Variants in DCDC1 observed in about 807,000 individuals in gnomAD.
DCDC1 encodes doublecortin domain-containing protein 1.
Under a neutral mutation model 178.3 loss-of-function variants are expected in DCDC1, and 200 were observed. The observed-to-expected ratio is 1.12, with a 90% CI of 1.00 to 1.26. The LOEUF (loss-of-function observed/expected upper bound fraction) is 1.26, where lower values mean the gene tolerates loss of function less well. Among genes scored for constraint, DCDC1 ranks in the 50% most tolerant of loss-of-function variants. The pLI, the probability that DCDC1 is intolerant of heterozygous loss-of-function variation, is 0.00. For missense variants in DCDC1, 1,983 were observed against 1,749.2 expected, an observed-to-expected ratio of 1.13 and a Z score of -2.38; for synonymous variants, 690 against 604.8, an observed-to-expected ratio of 1.14 and a Z score of -2.07.
At chr11:31,191,004 C>G (rs904745616) in intron 9 of DCDC1, among the ~76,000 whole-genome samples, 1 of 152,026 alleles carries the variant, frequency 6.6e-6, no homozygotes, top group Non-Finnish European at 1.5e-5. Flanking sequence ...GCAGTATTTG[C>G]ATACAGCCTA....
chr11:30,903,769 G>GAA (rs60052413), intron 31 of DCDC1, 86 bp from the exon 32 acceptor site: 18 of 1,044,666 alleles, frequency 1.7e-5, no homozygotes, highest in East Asian at 3.2e-5. Context: ...CTAAAAATCT[G>GAA]AAAAAAAAAA....
chr11:31,133,271 G>A (rs1244700200), intron 10 of DCDC1, among the ~76,000 whole-genome samples: 2 of 152,130 alleles, frequency 1.3e-5, no homozygotes, highest in East Asian at 1.9e-4. Flanking sequence ...AGAGCACTTT[G>A]CACAGAACTG....
chr11:30,968,245 T>C (rs1949557446), intron 20 of DCDC1, among the ~76,000 whole-genome samples: 1 of 152,022 alleles, frequency 6.6e-6, no homozygotes, highest in Non-Finnish European at 1.5e-5. Context: ...TCCTGAGGGG[T>C]TTGAAGAGTC....
At chr11:30,978,887 T>C in intron 20 of DCDC1, among the ~76,000 whole-genome samples, 1 of 151,846 alleles carries the variant, frequency 6.6e-6, no homozygotes, top group South Asian at 2.1e-4. Context: ...ATCAACTCTT[T>C]TAGCTCCCAT....
intron 36 of DCDC1, among the ~76,000 whole-genome samples, chr11:30,887,906 G>A (rs1319450327): frequency 1.3e-5 from 2 of 151,572 alleles, no homozygotes; most frequent in Non-Finnish European, 2.9e-5. Flanking sequence ...ATACTTGGGA[G>A]GCAGGAGAAT....
chr11:30,932,691 A>C (rs1221386512), intron 21 of DCDC1, among the ~76,000 whole-genome samples: 2 of 152,170 alleles, frequency 1.3e-5, no homozygotes, highest in African/African-American at 4.8e-5. Flanking sequence ...ATGGGACCAC[A>C]TAGGGAGGAG....
intron 3 of DCDC1, among the ~76,000 whole-genome samples, chr11:31,310,065 T>C (rs995221527): frequency 7.2e-5 from 11 of 152,168 alleles, no homozygotes; most frequent in Non-Finnish European, 1.6e-4. Flanking sequence ...CACATGATCC[T>C]GATAGGGTTA....
intron 9 of DCDC1, among the ~76,000 whole-genome samples, chr11:31,147,600 A>G (rs957104830): frequency 3.3e-5 from 5 of 152,206 alleles, no homozygotes; most frequent in African/African-American, 4.8e-5. Context: ...TGACATGATT[A>G]AGATATTTGA....
At chr11:31,030,315 A>G (rs963658213) in intron 20 of DCDC1, among the ~76,000 whole-genome samples, 2 of 152,096 alleles carry the variant, frequency 1.3e-5, no homozygotes, top group Non-Finnish European at 2.9e-5. Flanking sequence ...GGCACCACAC[A>G]GTTGGTAGAC....
intron 1 of DCDC1, among the ~76,000 whole-genome samples, chr11:31,368,194 A>G (rs886548342): frequency 1.3e-5 from 2 of 152,262 alleles, no homozygotes; most frequent in African/African-American, 4.8e-5. Context: ...ATGACAAAAT[A>G]TTTGGTATTG....
At chr11:31,311,628 A>G (rs1948777002) in intron 3 of DCDC1, among the ~76,000 whole-genome samples, 1 of 152,164 alleles carries the variant, frequency 6.6e-6, no homozygotes, top group African/African-American at 2.4e-5. Flanking sequence ...CCAACAGTCT[A>G]TGTCAATGTT....
intron 10 of DCDC1, among the ~76,000 whole-genome samples, chr11:31,135,944 T>A (rs1049435093): frequency 6.6e-6 from 1 of 152,092 alleles, no homozygotes; most frequent in Non-Finnish European, 1.5e-5. Context: ...CCACTTCAAG[T>A]TTTTAGTCAT....
At chr11:31,042,755 C>T (rs1339297237) in intron 20 of DCDC1, among the ~76,000 whole-genome samples, 2 of 152,158 alleles carry the variant, frequency 1.3e-5, no homozygotes, top group African/African-American at 2.4e-5. Flanking sequence ...CTTCACCATC[C>T]TCTGGCAACC....
intron 9 of DCDC1, among the ~76,000 whole-genome samples, chr11:31,206,738 T>C (rs2136481292): frequency 6.6e-6 from 1 of 152,216 alleles, no homozygotes; most frequent in Non-Finnish European, 1.5e-5. Context: ...TTCTAAGGCA[T>C]CTGTGGAAAG....
intron 21 of DCDC1, among the ~76,000 whole-genome samples, chr11:30,940,101 CAT>C (rs932467223): frequency 1.3e-5 from 2 of 152,270 alleles, no homozygotes; most frequent in African/African-American, 4.8e-5. Flanking sequence ...TGTCTATATT[CAT>C]ATCTTTTATT....
chr11:31,112,732 G>T (rs1448841251), intron 11 of DCDC1, among the ~76,000 whole-genome samples: 2 of 152,164 alleles, frequency 1.3e-5, no homozygotes, highest in Admixed American at 6.6e-5. Context: ...TCAAGAGAGT[G>T]TTTTTTATGC....
chr11:30,936,591 A>T (rs1947293443), intron 21 of DCDC1, among the ~76,000 whole-genome samples: 1 of 152,152 alleles, frequency 6.6e-6, no homozygotes, highest in South Asian at 2.1e-4. Flanking sequence ...TGACAGATAA[A>T]CAGCTTAAGC....
At chr11:31,329,671 T>C (rs914892337) in intron 2 of DCDC1, among the ~76,000 whole-genome samples, 2 of 152,176 alleles carry the variant, frequency 1.3e-5, no homozygotes, top group Non-Finnish European at 2.9e-5. Flanking sequence ...GTCCTTGTGA[T>C]AGTTTGCTCA....
chr11:30,962,243 A>G (rs916203431), intron 20 of DCDC1, among the ~76,000 whole-genome samples: 5 of 152,078 alleles, frequency 3.3e-5, no homozygotes, highest in African/African-American at 1.2e-4. Context: ...ATTCTACTTT[A>G]TTTCTGGAAT....
Sources: gnomAD v4.1 joint callset for allele counts (sites outside exome capture counted in the v4.1 genomes callset) on GRCh38, gnomAD v4.1.1 for gene constraint, MANE v1.5 for transcripts, NCBI Gene and HGNC (gene_info 2026-07-23, HGNC 2026-07-21) for gene names.